VWF: variants seen among roughly 807,000 people sequenced by gnomAD.
The protein encoded by VWF is Factor VIII related antigen.
Under a neutral mutation model 308.6 loss-of-function variants are expected in VWF, and 176 were observed. The observed-to-expected ratio is 0.57, with a 90% confidence interval of 0.50 to 0.65. The LOEUF is 0.65. VWF is among the 30% of genes least tolerant of loss of function. VWF has a pLI of 0.00. For synonymous variants in VWF, 1,385 were observed against 1,443.4 expected (o/e 0.96, Z 0.92); for missense variants, 3,146 against 3,648.2 (o/e 0.86, Z 3.55).
intron 33 of VWF, 46 bp downstream of exon 33, chr12:6,012,041 A>G: frequency 6.2e-7 from 1 of 1,607,858 alleles, no homozygotes; most frequent in East Asian, 2.2e-5. Context: ...AAGAGCCCCA[A>G]ACACATCTCT....
At chr12:5,981,732 A>G (rs1191659616) in intron 42 of VWF, 54 bp downstream of exon 42, 3 of 1,578,114 alleles carry the variant, frequency 1.9e-6, no homozygotes, top group African/African-American at 1.3e-5. Context: ...AACTGACAGC[A>G]ATAAATAAAT....
chr12:6,088,477 TAAA>T (rs533608912), intron 6 of VWF, among the ~76,000 whole-genome samples: 5 of 110,968 alleles, frequency 4.5e-5, no homozygotes, highest in African/African-American at 1.0e-4. Flanking sequence ...AGACTCTGTC[TAAA>T]AAAAAAAAAA....
In VWF at chr12:6,046,506, T is replaced by A. The variant is rs1055584879; in HGVS notation, c.2281+217A>T. Among the ~76,000 whole-genome samples, 2 of 152,242 alleles carry A rather than the reference T, an allele frequency of 1.3e-5. No individual in the cohort carries two copies. Among genetic ancestry groups the A allele is most frequent in the African/African-American group, 4.8e-5 (2 of 41,466 alleles). On this transcript the variant is annotated intron_variant, in intron 17 of 51. Coordinates refer to ENST00000261405, the MANE Select transcript of VWF (RefSeq NM_000552.5). This position sits in a 1 kb window ranked among gnomAD's most constrained non-coding sequence, Gnocchi z 5.0. The stretch of plus-strand genomic sequence containing the variant: ...CCCCTTACACGAAATCAAATACTCC[T>A]TGCCTCAATGGTCGGGATTGACACA...
chr12:5,959,478 T>C (rs2136345450), intron 47 of VWF, among the ~76,000 whole-genome samples: 1 of 152,286 alleles, frequency 6.6e-6, no homozygotes, highest in Middle Eastern at 3.4e-3. Context: ...ATGACCTAGT[T>C]GGAAATAATA....
In VWF at chr12:6,083,722, G is replaced by A. The variant is rs144293792; in HGVS notation, c.658-8171C>T. On this transcript the variant is annotated intron_variant, in intron 6 of 51. Transcript: ENST00000261405. ...TCAGTTTTCAATTTCCCACCCCCAC[G>A]GGGCACAGAGCTGCTAGGAATAAGA... Among the ~76,000 whole-genome samples, 19 of 152,238 alleles carry A rather than the reference G, an allele frequency of 1.2e-4. No homozygotes were observed. The South Asian group carries it at 1.9e-3, about 15-fold the overall frequency.
At position 5,981,964 on chromosome 12, in the gene VWF, A is replaced by G; in HGVS notation, c.7109T>C (p.Val2370Ala). Reference sequence around the variant, plus strand: ...GTGCGGGGGGCAGGAGGGTGGGGACACTCTTTTGCACTCCTCCTTCCTGCA... The same window carrying G: ...GTGCGGGGGGCAGGAGGGTGGGGACGCTCTTTTGCACTCCTCCTTCCTGCA... ...CACRKEECKR[V>A]SPPSCPPHRL... The change falls in exon 42 of 52, where the codon GTG (valine) becomes GCG (alanine). Residue 2370 changes from valine (V) to alanine (A), a missense_variant. Coordinates refer to ENST00000261405, the MANE Select transcript of VWF (RefSeq NM_000552.5). 2 of 1,613,470 alleles carry G rather than the reference A, an allele frequency of 1.2e-6. No homozygotes were observed. Among genetic ancestry groups the G allele is most frequent in the African/African-American group, 1.3e-5 (1 of 74,862 alleles).
chr12:6,065,018 G>T, intron 11 of VWF, 119 bp downstream of exon 11: 1 of 1,447,104 alleles, frequency 6.9e-7, no homozygotes, highest in Non-Finnish European at 9.5e-7. Flanking sequence ...GTCTGGAAGA[G>T]ACCTCCCTCA....
chr12:6,111,608 C>T (rs1015616181), intron 3 of VWF, among the ~76,000 whole-genome samples: 6 of 152,054 alleles, frequency 3.9e-5, no homozygotes, highest in Non-Finnish European at 8.8e-5. Flanking sequence ...CTCCTTGGTG[C>T]GAGTAATTAC....
chr12:5,960,432 G>A (rs1397222832), intron 47 of VWF, among the ~76,000 whole-genome samples: 1 of 152,038 alleles, frequency 6.6e-6, no homozygotes, highest in Non-Finnish European at 1.5e-5. Context: ...AAACATTTTA[G>A]GAAGAAATAA....
chr12:6,110,478 C>T lies in VWF; in HGVS notation c.428G>A (p.Ser143Asn). Residue 143 changes from serine to asparagine, a missense_variant, in exon 5 of 52, where the codon AGC becomes AAC. This residue lies in a region of VWF where 1,304 missense variants were observed against 1,353.0 expected (regional missense o/e 0.96). Transcript: ENST00000261405. ...AYGFVARIDG[S>N]GNFQVLLSDR... is the part of the protein sequence containing the mutation. The stretch of plus-strand genomic sequence containing the variant: ...TGACAGCAGGACTTGAAAGTTGCCG[C>T]TGCCATCGATCCTGGCCACAAAGCC... The T allele has an allele frequency of 6.2e-7, 1 of 1,614,208 alleles. No individual in the cohort carries two copies. The highest frequency in any genetic ancestry group is 8.5e-7 in the Non-Finnish European group (1 of 1,180,048).
chr12:5,952,156 C>A, intron 49 of VWF: 1 of 664,080 alleles, frequency 1.5e-6, no homozygotes, highest in Non-Finnish European at 2.6e-6. Flanking sequence ...ACATTTTATT[C>A]AAGAATCACA....
intron 16 of VWF, among the ~76,000 whole-genome samples, chr12:6,051,735 A>C (rs1014921211): frequency 5.3e-5 from 8 of 152,080 alleles, no homozygotes; most frequent in Admixed American, 2.0e-4. Flanking sequence ...TCAGTATTTC[A>C]AGTGGCTGGG....
Position 6,064,277 on chromosome 12 carries a change from A to G in VWF, c.1401T>C (p.Asp467=). Residue 467 remains aspartate (D), a synonymous_variant, in exon 12 of 52, where the codon GAT becomes GAC. Coordinates refer to ENST00000261405, the MANE Select transcript of VWF (RefSeq NM_000552.5). The part of the protein sequence containing the change: ...KLKHGAGVAM[D]GQDVQLPLLK... ...GGAGGGGGAGCTGGACGTCCTGGCC[A>G]TCCATGGCAACTCCTGCCCCATGCT... 1 of 1,614,072 alleles carries G rather than the reference A, an allele frequency of 6.2e-7. No homozygotes were observed.
At chr12:6,123,313 TG>T in intron 1 of VWF, 117 bp from the exon 2 acceptor site, 2 of 1,217,210 alleles carry the variant, frequency 1.6e-6, no homozygotes, top group Non-Finnish European at 2.4e-6. Context: ...GAGAAAAGAT[TG>T]ATCCTCGTGA....
At chr12:5,955,594 C>T (rs1943239575) in intron 47 of VWF, among the ~76,000 whole-genome samples, 1 of 152,088 alleles carries the variant, frequency 6.6e-6, no homozygotes, top group Admixed American at 6.5e-5. Flanking sequence ...ATATGTGCCA[C>T]ATTTTCTTAA....
At position 6,044,506 on chromosome 12, in the gene VWF, T is replaced by C. The variant is rs1306635004; in HGVS notation, c.2282-55A>G. The C allele has an allele frequency of 6.3e-6, 10 of 1,581,448 alleles. No homozygotes were observed. In the South Asian group the frequency reaches 9.1e-5, roughly 14 times the overall value. On this transcript the variant is annotated intron_variant, in intron 17 of 51. Transcript: ENST00000261405. ...TAGTGAAGGAGAGAATGGACCTACC[T>C]TCCACACTGTCCTTTGGTCCCCTAG...
intron 43 of VWF, among the ~76,000 whole-genome samples, chr12:5,975,052 G>C (rs1047855980): frequency 6.6e-6 from 1 of 152,164 alleles, no homozygotes; most frequent in Non-Finnish European, 1.5e-5. Flanking sequence ...GAAAACCAAA[G>C]GGTTTCCAAA....
At chr12:6,029,025 G>C (rs984684074) in intron 22 of VWF, among the ~76,000 whole-genome samples, 1 of 151,706 alleles carries the variant, frequency 6.6e-6, no homozygotes, top group Non-Finnish European at 1.5e-5. Flanking sequence ...CATCTCACGT[G>C]CAGAGACATA....
intron 3 of VWF, among the ~76,000 whole-genome samples, chr12:6,118,376 C>CTTTTTTTTT (rs71064189): frequency 1.5e-5 from 1 of 65,486 alleles, no homozygotes; most frequent in African/African-American, 5.0e-5. Flanking sequence ...CCTCTGGTCA[C>CTTTTTTTTT]TTTTTTTTTT....
Sources: gnomAD v4.1 joint callset for allele counts (sites outside exome capture counted in the v4.1 genomes callset) on GRCh38, gnomAD v4.1.1 for gene constraint, gnomAD v4.1.1 regional missense constraint, Gnocchi (gnomAD v3.1) non-coding constraint, MANE v1.5 for transcripts, NCBI Gene and HGNC (gene_info 2026-07-23, HGNC 2026-07-21) for gene names.